Variants in AMOTL1 observed in about 807,000 individuals in gnomAD.
AMOTL1 encodes angiomotin-like protein 1.
In AMOTL1, 45 loss-of-function variants were observed where a neutral mutation model predicts 102.9. The ratio of observed to expected loss-of-function variants is 0.44; its 90% CI spans 0.34 to 0.56. AMOTL1 has a LOEUF of 0.56. Ranked by LOEUF, AMOTL1 falls within the 20% of genes least tolerant of loss-of-function variation. The pLI, the probability that AMOTL1 is intolerant of heterozygous loss-of-function variation, is 0.01. For missense variants in AMOTL1, 1,114 were observed against 1,225.6 expected (o/e 0.91, Z 1.36); for synonymous variants, 481 against 484.7 (o/e 0.99, Z 0.10).
chr11:94,740,806 G>T, intron 2 of AMOTL1: 1 of 665,548 alleles, frequency 1.5e-6, no homozygotes. Context: ...GGGGCCTCCG[G>T]CTCAGGGATT....
At chr11:94,727,269 G>A (rs1196560891) in intron 1 of AMOTL1, among the ~76,000 whole-genome samples, 1 of 152,136 alleles carries the variant, frequency 6.6e-6, no homozygotes. Context: ...GCTTTTTAAG[G>A]ATGTAGTATT....
At chr11:94,864,491 A>T (rs887295977) in intron 9 of AMOTL1, among the ~76,000 whole-genome samples, 12 of 152,150 alleles carry the variant, frequency 7.9e-5, no homozygotes, top group African/African-American at 2.4e-4. Flanking sequence ...GAGTTTGTGG[A>T]GTTTTAGCAC....
chr11:94,821,661 C>T lies in AMOTL1; in HGVS notation c.1253C>T (p.Pro418Leu), dbSNP rs1951868721. Residue 418 changes from proline to leucine, a missense_variant, in exon 4 of 13, where the codon CCA (proline) becomes CTA (leucine). Transcript: ENST00000433060. ...CCACTCCCGATGGCCCTGGGTGCTC[C>T]ACAGCCCCCGCCTGCCGCCTCCCCC... ...PLPLPMALGA[P>L]QPPPAASPSQ... is the part of the protein sequence containing the mutation. 1.9e-5 allele frequency: 30 copies of T among 1,613,932 alleles called. No homozygotes were observed. Among genetic ancestry groups the T allele is most frequent in the Non-Finnish European group, 2.3e-5 (27 of 1,179,888 alleles).
chr11:94,874,993 T>A lies in AMOTL1; in HGVS notation c.*4198T>A, dbSNP rs1164391597. The A allele has an allele frequency of 2.6e-5, 4 of 152,222 alleles. No homozygotes were observed. The East Asian group carries it at 7.7e-4, about 29-fold the overall frequency. The allele number at this position is 152,222 out of a possible 1,614,324, so 9.4% of individuals were successfully genotyped here. ...AAAGGAGTACCATGACCATAGTCAG[T>A]GGGATCCCACAAATGTTCTTAAATG... On this transcript the variant is annotated 3_prime_UTR_variant, in exon 13 of 13. Transcript: ENST00000433060.
At chr11:94,755,198 G>T (rs1286265579) in intron 3 of AMOTL1, among the ~76,000 whole-genome samples, 1 of 152,178 alleles carries the variant, frequency 6.6e-6, no homozygotes, top group Non-Finnish European at 1.5e-5. Flanking sequence ...TTTGATGCGT[G>T]CTTCACTGTG....
chr11:94,800,915 C>A (rs1007472615), intron 3 of AMOTL1, among the ~76,000 whole-genome samples: 1 of 152,210 alleles, frequency 6.6e-6, no homozygotes, highest in East Asian at 1.9e-4. Flanking sequence ...CACTTGTATT[C>A]TTCCAGTTGA....
At chr11:94,744,924 TGAA>T (rs1320091300) in intron 3 of AMOTL1, among the ~76,000 whole-genome samples, 2 of 152,230 alleles carry the variant, frequency 1.3e-5, no homozygotes, top group African/African-American at 4.8e-5. Context: ...ACCTTAGCAT[TGAA>T]GAAATATGGT....
intron 3 of AMOTL1, among the ~76,000 whole-genome samples, chr11:94,814,064 C>T (rs775141327): frequency 1.4e-4 from 22 of 152,180 alleles, no homozygotes; most frequent in Non-Finnish European, 2.2e-4. Context: ...TCGGGTGGGG[C>T]TTCTATCTTT....
At chr11:94,795,251 C>G in intron 2 of AMOTL1, 91 bp downstream of exon 2, 2 of 1,456,258 alleles carry the variant, frequency 1.4e-6, no homozygotes, top group South Asian at 2.6e-5. Flanking sequence ...GATGTTTATT[C>G]TCTAATCTTG....
chr11:94,758,651 T>G (rs1950756956), intron 3 of AMOTL1, among the ~76,000 whole-genome samples: 1 of 152,202 alleles, frequency 6.6e-6, no homozygotes, highest in Admixed American at 6.5e-5. Context: ...TAAAAAGAAA[T>G]TATACCCCAC....
intron 4 of AMOTL1, among the ~76,000 whole-genome samples, chr11:94,828,026 C>T (rs1397217639): frequency 1.3e-5 from 2 of 152,186 alleles, no homozygotes; most frequent in African/African-American, 4.8e-5. Context: ...CCCAGCCACT[C>T]TCCTGGCTTT....
chr11:94,787,829 G>A (rs1162263607), intron 1 of AMOTL1, among the ~76,000 whole-genome samples: 1 of 151,048 alleles, frequency 6.6e-6, no homozygotes, highest in Non-Finnish European at 1.5e-5. Context: ...AAGTGACGTT[G>A]GGTAACTTAA....
At position 94,713,331 on chromosome 11, in the gene AMOTL1, G is replaced by A. The variant is rs191288361; in HGVS notation, c.-51+6734G>A. On this transcript the variant is annotated intron_variant, in intron 1 of 4. Coordinates refer to the AMOTL1 transcript ENST00000299004. ...GGTAGAGTTCTTCCTCCCATTTCAG[G>A]GTTATTTGTCAAAAGTTTTAGAGAT... is the stretch of plus-strand genomic sequence containing the variant. 3.5e-3 allele frequency among the ~76,000 whole-genome samples: 533 copies of A among 151,754 alleles called. 2 individuals carry two copies. The highest frequency in any genetic ancestry group is 0.011 in the African/African-American group (474 of 41,460).
rs1248871930 is a variant in AMOTL1 at position 94,768,626 on chromosome 11, GCCCCGGGCT to G, written c.49+75_49+83del. ...AGTCTCCCACGCGAAGAACCCAGTC[GCCCCGGGCT>G]CCCCGGGCCCCTGCTGCTCACGGAA... On this transcript the variant is annotated intron_variant, in intron 1 of 12. Transcript: ENST00000433060. The G allele has an allele frequency of 9.7e-6, 15 of 1,552,590 alleles. No individual in the cohort carries two copies. In the East Asian group the frequency reaches 9.8e-5, roughly 10 times the overall value.
rs1248107297 is a variant in AMOTL1, at chr11:94,864,718, T to C, written c.2136-17T>C. ...AGAAGGTTTCCTATGATCAAACGCA[T>C]ATCCTTGTGTTGCCAGGGACACCAC... On this transcript the variant is annotated splice_polypyrimidine_tract_variant and intron_variant, in intron 9 of 12. Transcript: ENST00000433060. 8.1e-6 allele frequency: 13 copies of C among 1,611,284 alleles called. No homozygotes were observed. In the Middle Eastern group the frequency reaches 6.6e-4, roughly 82 times the overall value.
rs939193972 is a variant in AMOTL1 at position 94,876,368 on chromosome 11, C to T, written c.*5573C>T. On this transcript the variant is annotated 3_prime_UTR_variant, in exon 13 of 13. Coordinates refer to ENST00000433060, the MANE Select transcript of AMOTL1 (RefSeq NM_130847.3). ...TGTCCTGCTGCCGCTGCCCTCCAACCTGCTCTGTGTGTGTGTGTCGCTGTG... is the reference window on the plus strand; with the variant it reads ...TGTCCTGCTGCCGCTGCCCTCCAACTTGCTCTGTGTGTGTGTGTCGCTGTG... The T allele has an allele frequency of 1.3e-5, 2 of 152,808 alleles. No homozygotes were observed. The highest frequency in any genetic ancestry group is 4.8e-5 in the African/African-American group (2 of 41,582). The allele number at this position is 152,808 out of a possible 1,614,324, so 9.5% of individuals were successfully genotyped here. A position where few individuals can be genotyped will look rare whatever the true frequency, so the allele number is the denominator to read the frequency against.
intron 3 of AMOTL1, among the ~76,000 whole-genome samples, chr11:94,758,292 T>A (rs60239055): frequency 0.097 from 14,712 of 152,214 alleles, 1,442 homozygotes; most frequent in East Asian, 0.28. Context: ...TACTAACAGA[T>A]CAAAGTGGTG....
intron 1 of AMOTL1, among the ~76,000 whole-genome samples, chr11:94,790,407 G>A (rs1205979043): frequency 6.6e-6 from 1 of 152,188 alleles, no homozygotes; most frequent in Non-Finnish European, 1.5e-5. Context: ...GGTGACAGTT[G>A]AGGGAAGGGA....
intron 4 of AMOTL1, among the ~76,000 whole-genome samples, chr11:94,823,384 C>G (rs927984455): frequency 1.3e-5 from 2 of 152,182 alleles, no homozygotes; most frequent in Non-Finnish European, 2.9e-5. Flanking sequence ...CCCCCTCTTG[C>G]ACCCTTAGAA....
Sources: allele counts gnomAD v4.1 joint callset (sites outside exome capture counted in the v4.1 genomes callset), GRCh38; gene constraint gnomAD v4.1.1; transcripts MANE v1.5; gene names NCBI Gene and HGNC (gene_info 2026-07-23, HGNC 2026-07-21).